Variants in GSTO2 observed in about 807,000 individuals in gnomAD.
The protein encoded by GSTO2 is glutathione S-transferase omega-2.
A neutral mutation model predicts 28.4 loss-of-function variants in GSTO2; 23 were observed. The observed-to-expected ratio is 0.81, with a 90% CI of 0.58 to 1.15. GSTO2 has a LOEUF of 1.15. GSTO2 is among the 50% of genes most tolerant of loss of function. The pLI is 0.00. For synonymous variants in GSTO2, 109 were observed against 111.0 expected, an observed-to-expected ratio of 0.98 and a Z score of 0.11; for missense variants, 298 against 297.8, an observed-to-expected ratio of 1.00 and a Z score of 0.00.
Position 104,300,921 on chromosome 10 carries a change from C to T in GSTO2, c.*1637C>T, listed in dbSNP as rs2013239684. On this transcript the variant is annotated 3_prime_UTR_variant, in exon 7 of 7. Coordinates refer to ENST00000338595, the MANE Select transcript of GSTO2 (RefSeq NM_183239.2). ...TATTTTGACCCATGTAAATAGTTAC[C>T]AGGTGTTACTCTGTGCCAGCTGGAC... is the stretch of plus-strand genomic sequence containing the variant. The T allele has an allele frequency of 6.6e-6, 1 of 152,300 alleles. No homozygotes were observed. Among genetic ancestry groups the T allele is most frequent in the Non-Finnish European group, 1.5e-5 (1 of 68,118 alleles). 9.4% of individuals were successfully genotyped at this position (152,300 alleles called of 1,614,324 possible). A position where few individuals can be genotyped will look rare whatever the true frequency, so the allele number is the denominator to read the frequency against.
chr10:104,299,117 C>T lies in GSTO2; in HGVS notation c.576-11C>T. On this transcript the variant is annotated splice_polypyrimidine_tract_variant and intron_variant, in intron 6 of 6. Transcript: ENST00000338595. Reference sequence around the variant, plus strand: ...CCTGCACTGTGCTGACGCTTCTTTCCTGTCTTGCAGCTGTGTGAGCCACAC... The same window carrying T: ...CCTGCACTGTGCTGACGCTTCTTTCTTGTCTTGCAGCTGTGTGAGCCACAC... The T allele has an allele frequency of 1.2e-6, 2 of 1,611,024 alleles. No homozygotes were observed. Among genetic ancestry groups the T allele is most frequent in the African/African-American group, 1.3e-5 (1 of 74,848 alleles).
chr10:104,270,180 AT>A (rs2011323966), intron 1 of GSTO2, among the ~76,000 whole-genome samples: 1 of 149,094 alleles, frequency 6.7e-6, no homozygotes, highest in African/African-American at 2.5e-5. Context: ...CGCCCGGCTA[AT>A]TTTTTGTATT....
chr10:104,286,120 T>C (rs2012406467), intron 5 of GSTO2: 1 of 170,456 alleles, frequency 5.9e-6, no homozygotes, highest in African/African-American at 2.4e-5. Context: ...TGCCACAAAA[T>C]TCACCCTTTT....
At chr10:104,290,103 A>G (rs2012686122) in intron 5 of GSTO2, among the ~76,000 whole-genome samples, 1 of 152,258 alleles carries the variant, frequency 6.6e-6, no homozygotes, top group African/African-American at 2.4e-5. Context: ...AAGAAAGGAA[A>G]TCAGTATATC....
At chr10:104,294,962 G>C (rs537823823) in intron 5 of GSTO2, 4 of 152,172 alleles carry the variant, frequency 2.6e-5, no homozygotes, top group Admixed American at 6.5e-5. Context: ...TTTATGGTTT[G>C]TTTTGACAAA....
Position 104,301,500 on chromosome 10 carries a change from C to T in GSTO2, c.*2216C>T, listed in dbSNP as rs942292170. 6.6e-6 allele frequency: 1 copy of T among 151,962 alleles called. No individual in the cohort carries two copies. Among genetic ancestry groups the T allele is most frequent in the African/African-American group, 2.4e-5 (1 of 41,344 alleles). 9.4% of individuals were successfully genotyped at this position (151,962 alleles called of 1,614,324 possible). On this transcript the variant is annotated 3_prime_UTR_variant, in exon 7 of 7. Coordinates refer to ENST00000338595, the MANE Select transcript of GSTO2 (RefSeq NM_183239.2). ...CTCGCTTCTTTGTCACTTGTCTGAC[C>T]CACAGAGAAAACTGAGTTATCAATC...
chr10:104,279,521 C>A, intron 5 of GSTO2, 50 bp downstream of exon 5: 1 of 1,324,218 alleles, frequency 7.6e-7, no homozygotes, highest in Non-Finnish European at 1.1e-6. Flanking sequence ...GGAAGCTAGG[C>A]AGGGTCGCTA....
Position 104,301,445 on chromosome 10 carries a change from G to A in GSTO2, c.*2161G>A, listed in dbSNP as rs758026050. The A allele has an allele frequency of 3.3e-5, 5 of 152,172 alleles. No homozygotes were observed. Among genetic ancestry groups the A allele is most frequent in the Non-Finnish European group, 5.9e-5 (4 of 68,038 alleles). The allele number at this position is 152,172 out of a possible 1,614,324, so 9.4% of individuals were successfully genotyped here. ...CTCCCTGCTGTTTACCAGGGTCCTG[G>A]TCACCTGCACATCCTTACACTTCCT... On this transcript the variant is annotated 3_prime_UTR_variant, in exon 7 of 7. Coordinates refer to ENST00000338595, the MANE Select transcript of GSTO2 (RefSeq NM_183239.2).
intron 5 of GSTO2, chr10:104,295,416 G>A (rs1289591427): frequency 6.6e-6 from 1 of 152,232 alleles, no homozygotes; most frequent in Non-Finnish European, 1.5e-5. Flanking sequence ...ACCCCTCTGA[G>A]AAGGGGTGGC....
At chr10:104,291,568 G>A (rs1305120402) in intron 5 of GSTO2, 1 of 152,308 alleles carries the variant, frequency 6.6e-6, no homozygotes, top group Non-Finnish European at 1.5e-5. Flanking sequence ...GGGGAGCCCC[G>A]CGCGCTTCCT....
rs778825394 is a variant in GSTO2 at position 104,299,431 on chromosome 10, T to TC, written c.*148dup. 8.5e-6 allele frequency: 8 copies of TC among 940,796 alleles called. No homozygotes were observed. The highest frequency in any genetic ancestry group is 1.3e-5 in the Non-Finnish European group (8 of 620,426). 58.3% of individuals were successfully genotyped at this position (940,796 alleles called of 1,614,324 possible). A position where few individuals can be genotyped will look rare whatever the true frequency, so the allele number is the denominator to read the frequency against. ...AACAGGAAATGTATTCTTCTGATAA[T>TC]CATTTGTCTGACTCCTCTAGCCTGT... On this transcript the variant is annotated 3_prime_UTR_variant, in exon 7 of 7. Transcript: ENST00000338595.
intron 5 of GSTO2, among the ~76,000 whole-genome samples, chr10:104,280,033 A>C (rs897900402): frequency 1.3e-5 from 2 of 151,870 alleles, no homozygotes; most frequent in East Asian, 3.9e-4. Context: ...AGGCATAACG[A>C]TGTATACCTG....
intron 5 of GSTO2, among the ~76,000 whole-genome samples, chr10:104,282,610 A>T (rs980265136): frequency 6.6e-6 from 1 of 151,884 alleles, no homozygotes; most frequent in South Asian, 2.1e-4. Context: ...TAGAGGATGG[A>T]TTAGAGTGTC....
At chr10:104,276,968 G>T (rs781288894) in intron 3 of GSTO2, among the ~76,000 whole-genome samples, 1 of 152,090 alleles carries the variant, frequency 6.6e-6, no homozygotes, top group Non-Finnish European at 1.5e-5. Flanking sequence ...AAAAGTTATT[G>T]CATGCTTATG....
chr10:104,299,235 A>G lies in GSTO2; in HGVS notation c.683A>G (p.Asn228Ser). ...MDKSIFQGFL[N>S]LYFQNNPNAF... ...AAGAGCATTTTCCAGGGCTTCTTGAATCTCTATTTTCAGAACAACCCTAAT... is the reference window on the plus strand; with the variant it reads ...AAGAGCATTTTCCAGGGCTTCTTGAGTCTCTATTTTCAGAACAACCCTAAT... Residue 228 changes from asparagine (N) to serine (S), a missense_variant, in exon 7 of 7, where the codon AAT becomes AGT. Physicochemically the swap from Asn to Ser is conservative, Grantham distance 46. Transcript: ENST00000338595. The G allele has an allele frequency of 6.2e-7, 1 of 1,614,044 alleles. No individual in the cohort carries two copies. Among genetic ancestry groups the G allele is most frequent in the Non-Finnish European group, 8.5e-7 (1 of 1,179,994 alleles).
intron 1 of GSTO2, among the ~76,000 whole-genome samples, chr10:104,273,358 C>T (rs1311548154): frequency 1.3e-5 from 2 of 152,170 alleles, no homozygotes; most frequent in Non-Finnish European, 2.9e-5. Flanking sequence ...TTTTGCCATT[C>T]CCTGATTCTT....
At chr10:104,269,491 C>T (rs1034183388) in intron 1 of GSTO2, among the ~76,000 whole-genome samples, 5 of 152,198 alleles carry the variant, frequency 3.3e-5, no homozygotes, top group African/African-American at 7.2e-5. Flanking sequence ...GTCTTTAAAC[C>T]GCATACCTTT....
chr10:104,285,294 G>A (rs1479339161), intron 5 of GSTO2, among the ~76,000 whole-genome samples: 2 of 151,676 alleles, frequency 1.3e-5, no homozygotes, highest in African/African-American at 2.4e-5. Flanking sequence ...TAGAGATTGG[G>A]GTCTCTCTCT....
intron 5 of GSTO2, among the ~76,000 whole-genome samples, chr10:104,282,225 CAAAAAAA>C (rs71022727): frequency 3.4e-5 from 3 of 88,968 alleles, no homozygotes; most frequent in South Asian, 8.9e-4. Flanking sequence ...GACTCTGTTT[CAAAAAAA>C]AAAAAAAAAA....
Sources: allele counts gnomAD v4.1 joint callset (sites outside exome capture counted in the v4.1 genomes callset), GRCh38; gene constraint gnomAD v4.1.1; transcripts MANE v1.5; gene names NCBI Gene and HGNC (gene_info 2026-07-23, HGNC 2026-07-21).